TEF: variants seen among roughly 807,000 people sequenced by gnomAD.
The protein encoded by TEF is thyrotroph embryonic factor.
In TEF, 3 loss-of-function variants were observed where a neutral mutation model predicts 20.8. The ratio of observed to expected loss-of-function variants is 0.14; its 90% confidence interval spans 0.07 to 0.37. The LOEUF is 0.37. Ranked by LOEUF, TEF falls within the 10% of genes least tolerant of loss-of-function variation. TEF has a pLI of 1.00. For missense variants in TEF, 296 were observed against 397.9 expected (o/e 0.74, Z 2.18); for synonymous variants, 180 against 171.1 (o/e 1.05, Z -0.41).
At chr22:41,369,970 T>C (rs1448601955) in intron 1 of TEF, 8 of 985,420 alleles carry the variant, frequency 8.1e-6, no homozygotes, top group Admixed American at 6.1e-5. Flanking sequence ...TCGGCACACA[T>C]TTAGGTCATG....
In TEF at chr22:41,396,065, G is replaced by T. The variant is rs939453595; in HGVS notation, c.*105G>T. On this transcript the variant is annotated 3_prime_UTR_variant, in exon 4 of 4. Transcript: ENST00000266304. Reference sequence around the variant, plus strand: ...TGGAGACTTATGACTCGTCGTGGGCGCATGGCGGCGCACCTGCTGCAGGAG... The same window carrying T: ...TGGAGACTTATGACTCGTCGTGGGCTCATGGCGGCGCACCTGCTGCAGGAG... 2.4e-6 allele frequency: 3 copies of T among 1,241,678 alleles called. No homozygotes were observed. The highest frequency in any genetic ancestry group is 3.0e-5 in the African/African-American group (2 of 66,376). The allele number at this position is 1,241,678 out of a possible 1,614,324, so 76.9% of individuals were successfully genotyped here.
At chr22:41,378,623 C>A (rs980734022), upstream of TEF, among the ~76,000 whole-genome samples, 1 of 151,732 alleles carries the variant, frequency 6.6e-6, no homozygotes, top group Non-Finnish European at 1.5e-5. Context: ...GGATTACAGG[C>A]GTGAGCCACT....
chr22:41,379,346 A>AG (rs2036985319), upstream of TEF, among the ~76,000 whole-genome samples: 1 of 150,646 alleles, frequency 6.6e-6, no homozygotes, highest in African/African-American at 2.5e-5. Context: ...CTCGGAAAAA[A>AG]GAAAAAAAAA....
rs189397980 is a variant in TEF at position 41,374,702 on chromosome 22, C to G, written c.67+7103C>G. ...CTGCACTCCAGCCTGGGGGACAGAGCAAAACTGTCTCAAAAAAAAAAAAAA... is the reference window on the plus strand; with the variant it reads ...CTGCACTCCAGCCTGGGGGACAGAGGAAAACTGTCTCAAAAAAAAAAAAAA... On this transcript the variant is annotated intron_variant, in intron 1 of 3. Transcript: ENST00000406644. Among the ~76,000 whole-genome samples the G allele has an allele frequency of 5.3e-3, 759 of 144,158 alleles. 5 individuals carry two copies. Among genetic ancestry groups the G allele is most frequent in the Non-Finnish European group, 8.3e-3 (551 of 66,072 alleles). The allele number at this position is 144,158 out of a possible 152,430, so 94.6% of individuals were successfully genotyped here.
intron 2 of TEF, among the ~76,000 whole-genome samples, chr22:41,390,678 C>T (rs1280375451): frequency 6.6e-6 from 1 of 151,510 alleles, no homozygotes; most frequent in Non-Finnish European, 1.5e-5. Flanking sequence ...TTTGTATTTT[C>T]AGTAGAGACA....
At chr22:41,385,999 G>T (rs986816669) in intron 1 of TEF, among the ~76,000 whole-genome samples, 1 of 150,806 alleles carries the variant, frequency 6.6e-6, no homozygotes, top group Admixed American at 6.7e-5. Flanking sequence ...GCTAATTTTT[G>T]TATTTTTAGG....
upstream of TEF, among the ~76,000 whole-genome samples, chr22:41,378,862 C>A (rs534592631): frequency 6.6e-6 from 1 of 152,226 alleles, no homozygotes; most frequent in East Asian, 1.9e-4. Flanking sequence ...ACAGAATTCT[C>A]ACTAACAATT....
chr22:41,387,167 A>G (rs972750828), intron 1 of TEF, among the ~76,000 whole-genome samples, 184 bp from the exon 2 acceptor site: 6 of 152,296 alleles, frequency 3.9e-5, no homozygotes, highest in Non-Finnish European at 7.4e-5. Flanking sequence ...CCGTGTCTAA[A>G]GGAAAACAGC....
chr22:41,384,460 C>T (rs1352238004), intron 1 of TEF, among the ~76,000 whole-genome samples: 2 of 152,096 alleles, frequency 1.3e-5, no homozygotes, highest in African/African-American at 4.8e-5. Flanking sequence ...CACCCCTCTC[C>T]TTCCTCCCAG....
intron 2 of TEF, among the ~76,000 whole-genome samples, chr22:41,388,470 C>T (rs1200063592): frequency 1.3e-5 from 2 of 151,850 alleles, no homozygotes; most frequent in African/African-American, 2.4e-5. Context: ...GATCGACCTA[C>T]GTTGGCCTCC....
intron 1 of TEF, among the ~76,000 whole-genome samples, chr22:41,386,908 G>A (rs911528505): frequency 3.9e-5 from 6 of 151,916 alleles, no homozygotes; most frequent in African/African-American, 1.5e-4. Flanking sequence ...GCTGGGCATG[G>A]TGGTGCGTAC....
In TEF at chr22:41,397,046, G is replaced by C. The variant is rs1002705469; in HGVS notation, c.*1086G>C. 6 of 398,730 alleles carry C rather than the reference G, an allele frequency of 1.5e-5. No homozygotes were observed. The highest frequency in any genetic ancestry group is 2.2e-5 in the Non-Finnish European group (5 of 226,308). The allele number at this position is 398,730 out of a possible 1,614,324, so 24.7% of individuals were successfully genotyped here. A position where few individuals can be genotyped will look rare whatever the true frequency, so the allele number is the denominator to read the frequency against. The stretch of plus-strand genomic sequence containing the variant: ...GTGCACTCTCCCTGGGGGCAGCTGG[G>C]GCCTCGCAATTCTTGCTTCAGGATC... On this transcript the variant is annotated 3_prime_UTR_variant, in exon 4 of 4. Coordinates refer to ENST00000266304, the MANE Select transcript of TEF (RefSeq NM_003216.4).
Position 41,396,976 on chromosome 22 carries a change from G to A in TEF, c.*1016G>A. 5.0e-6 allele frequency: 2 copies of A among 398,730 alleles called. No individual in the cohort carries two copies. The highest frequency in any genetic ancestry group is 4.4e-6 in the Non-Finnish European group (1 of 226,178). The allele number at this position is 398,730 out of a possible 1,614,324, so 24.7% of individuals were successfully genotyped here. ...AGAGCTGGGGTGTGTTTCTTGAGAAGCTCCCTTTTTTCTTGCTCTGCTCAC... is the reference window on the plus strand; with the variant it reads ...AGAGCTGGGGTGTGTTTCTTGAGAAACTCCCTTTTTTCTTGCTCTGCTCAC... On this transcript the variant is annotated 3_prime_UTR_variant, in exon 4 of 4. Coordinates refer to ENST00000266304, the MANE Select transcript of TEF (RefSeq NM_003216.4).
chr22:41,394,450 C>G, intron 3 of TEF, 134 bp downstream of exon 3: 1 of 873,216 alleles, frequency 1.1e-6, no homozygotes, highest in South Asian at 1.8e-5. Context: ...GAGTTTAGTG[C>G]TTAAAGCCAT....
chr22:41,387,080 TAACC>T (rs1156330268), intron 1 of TEF, among the ~76,000 whole-genome samples: 1 of 152,016 alleles, frequency 6.6e-6, no homozygotes, highest in African/African-American at 2.4e-5. Flanking sequence ...AATAATGAAT[TAACC>T]CTATGACCGC....
At chr22:41,374,394 C>T (rs1396794529) in intron 1 of TEF, among the ~76,000 whole-genome samples, 3 of 151,524 alleles carry the variant, frequency 2.0e-5, no homozygotes, top group Non-Finnish European at 4.4e-5. Flanking sequence ...ACTGAAAATA[C>T]AAAAAAAATT....
chr22:41,384,681 TAAATC>T (rs924861970), intron 1 of TEF, among the ~76,000 whole-genome samples: 2 of 152,218 alleles, frequency 1.3e-5, no homozygotes, highest in African/African-American at 4.8e-5. Flanking sequence ...GATCTGGAAA[TAAATC>T]AGTTCATACT....
chr22:41,381,817 G>C (rs574257808), upstream of TEF: 2 of 1,148,738 alleles, frequency 1.7e-6, no homozygotes, highest in African/African-American at 3.2e-5. Flanking sequence ...CCCTCTCGCA[G>C]GCTGGACCAA....
At chr22:41,374,996 A>G (rs768761655) in intron 1 of TEF, among the ~76,000 whole-genome samples, 1 of 152,194 alleles carries the variant, frequency 6.6e-6, no homozygotes, top group Admixed American at 6.5e-5. Context: ...AAGTGGAAGC[A>G]GGAGTCAGCC....
Sources: allele counts gnomAD v4.1 joint callset (sites outside exome capture counted in the v4.1 genomes callset), GRCh38; gene constraint gnomAD v4.1.1; transcripts MANE v1.5; gene names NCBI Gene and HGNC (gene_info 2026-07-23, HGNC 2026-07-21).